Variants in ECT2L observed in about 807,000 individuals in gnomAD.
The protein encoded by ECT2L is epithelial cell transforming 2 like.
ECT2L carries 126 observed loss-of-function variants against 122.8 expected under a neutral mutation model. The observed-to-expected ratio is 1.03, with a 90% CI of 0.89 to 1.19. ECT2L has a LOEUF of 1.19. Ranked by LOEUF, ECT2L falls within the 50% of genes most tolerant of loss-of-function variation. ECT2L has a pLI of 0.00. For missense variants in ECT2L, 1,012 were observed against 1,064.1 expected (o/e 0.95, Z 0.68); for synonymous variants, 385 against 381.8 (o/e 1.01, Z -0.10).
Position 138,882,818 on chromosome 6 carries a change from A to G in ECT2L, c.1975A>G (p.Thr659Ala). 1 of 1,614,186 alleles carries G rather than the reference A, an allele frequency of 6.2e-7. No individual in the cohort carries two copies. Among genetic ancestry groups the G allele is most frequent in the Admixed American group, 1.7e-5 (1 of 60,020 alleles). ...IVTKFGSQLN[T>A]YTNFFNNYPV... ...CACGAAGTTTGGAAGCCAGTTAAAC[A>G]CATATACCAATTTCTTCAACAATTA... The change falls in exon 16 of 22, where the codon ACA becomes GCA. Residue 659 changes from threonine (T) to alanine (A), a missense_variant. Coordinates refer to ENST00000541398, the MANE Select transcript of ECT2L (RefSeq NM_001077706.3).
chr6:138,846,199 G>A (rs999286538), intron 7 of ECT2L, among the ~76,000 whole-genome samples: 6 of 152,176 alleles, frequency 3.9e-5, no homozygotes, highest in African/African-American at 1.2e-4. Context: ...AGGCCTAGAA[G>A]GAAATTCAAA....
chr6:138,840,636 A>C (rs1490875002), intron 5 of ECT2L, among the ~76,000 whole-genome samples: 4 of 152,012 alleles, frequency 2.6e-5, no homozygotes, highest in African/African-American at 9.7e-5. Context: ...TTTCTTGAGA[A>C]GTCAGAAGTT....
At chr6:138,814,713 G>A in intron 4 of ECT2L, 110 bp downstream of exon 4, 1 of 653,174 alleles carries the variant, frequency 1.5e-6, no homozygotes, top group Non-Finnish European at 2.5e-6. Context: ...AAAAAAACAA[G>A]GTAATTGATA....
chr6:138,836,406 A>T (rs1776841892), intron 4 of ECT2L, among the ~76,000 whole-genome samples: 3 of 150,426 alleles, frequency 2.0e-5, no homozygotes, highest in African/African-American at 7.4e-5. Context: ...CTCCTGCCTC[A>T]GCCTCCTGAG....
intron 1 of ECT2L, among the ~76,000 whole-genome samples, chr6:138,810,269 A>G (rs1181890438): frequency 6.6e-6 from 1 of 152,222 alleles, no homozygotes; most frequent in East Asian, 1.9e-4. Context: ...AAACTGAGAA[A>G]GACTTTGAGC....
chr6:138,889,327 TTTTC>T (rs1418764062), intron 20 of ECT2L, among the ~76,000 whole-genome samples: 2 of 152,044 alleles, frequency 1.3e-5, no homozygotes, highest in South Asian at 2.1e-4. Context: ...TCTTTTTTCT[TTTTC>T]TTTTTTTTTT....
Position 138,902,511 on chromosome 6 carries a change from G to T in ECT2L, c.2599G>T (p.Ala867Ser). 1 of 1,612,634 alleles carries T rather than the reference G, an allele frequency of 6.2e-7. No homozygotes were observed. Among genetic ancestry groups the T allele is most frequent in the Non-Finnish European group, 8.5e-7 (1 of 1,179,042 alleles). The change falls in exon 22 of 22, where the codon GCA becomes TCA. Residue 867 changes from alanine (A) to serine (S), a missense_variant. Transcript: ENST00000541398. ...NIPDSKYVKN[A>S]FILQGPKYKW... ...AAATGCTTTTACAGATGTCAAGAAT[G>T]CATTTATTCTTCAGGGTCCAAAATA... is the stretch of plus-strand genomic sequence containing the variant.
At chr6:138,867,356 A>G (rs1168432136) in intron 12 of ECT2L, among the ~76,000 whole-genome samples, 2 of 152,068 alleles carry the variant, frequency 1.3e-5, no homozygotes, top group Non-Finnish European at 2.9e-5. Flanking sequence ...TTTTACTGCT[A>G]TTCTTTGCAT....
In ECT2L at chr6:138,885,795, G is replaced by A. The variant is rs967534328; in HGVS notation, c.2224G>A (p.Asp742Asn). The change falls in exon 18 of 22, where the codon GAC becomes AAC. Residue 742 changes from aspartate (D) to asparagine (N), a missense_variant. By Grantham distance (23) the Asp-to-Asn change is conservative. Coordinates refer to ENST00000541398, the MANE Select transcript of ECT2L (RefSeq NM_001077706.3). ...CCGTGGGGACTTGACCACTGCAATT[G>A]ACCAAATCAAAAAATATAAAGGTTA... ...VDRGDLTTAIDQIKKYKGYID... is the reference protein window; with the variant it reads ...VDRGDLTTAINQIKKYKGYID... The A allele has an allele frequency of 6.2e-7, 1 of 1,613,840 alleles. No individual in the cohort carries two copies. Among genetic ancestry groups the A allele is most frequent in the Non-Finnish European group, 8.5e-7 (1 of 1,179,926 alleles).
rs1216551682 is a variant in ECT2L, at chr6:138,844,531, G to A, written c.715G>A (p.Ala239Thr). ...AAGGGAGCGAGTGGGATTACATGAA[G>A]CTTTGGAGAAACAGCTTGTTTTGAC... ...TVRERVGLHE[A>T]LEKQLVLTSL... Residue 239 changes from alanine to threonine, a missense_variant, in exon 7 of 22, where the codon GCT becomes ACT. Coordinates refer to ENST00000541398, the MANE Select transcript of ECT2L (RefSeq NM_001077706.3). The A allele has an allele frequency of 2.5e-6, 4 of 1,614,150 alleles. No homozygotes were observed. The highest frequency in any genetic ancestry group is 1.7e-5 in the Admixed American group (1 of 60,016).
chr6:138,801,535 T>C (rs1290752458), intron 1 of ECT2L, among the ~76,000 whole-genome samples: 3 of 152,150 alleles, frequency 2.0e-5, no homozygotes, highest in Non-Finnish European at 4.4e-5. Flanking sequence ...GCAGATTGCC[T>C]GAGGTCAGGA....
chr6:138,850,444 T>C (rs189094596), intron 9 of ECT2L, among the ~76,000 whole-genome samples: 1,802 of 152,284 alleles, frequency 0.012, 32 homozygotes, highest in African/African-American at 0.041. Context: ...TTTGCCCGGC[T>C]GTGACTGGCT....
chr6:138,817,348 C>A (rs1200111935), intron 4 of ECT2L, among the ~76,000 whole-genome samples: 1 of 152,150 alleles, frequency 6.6e-6, no homozygotes, highest in African/African-American at 2.4e-5. Flanking sequence ...AATTATTAAG[C>A]ATTTCTTTTG....
intron 4 of ECT2L, among the ~76,000 whole-genome samples, chr6:138,818,242 T>A (rs1428543139): frequency 6.6e-6 from 1 of 152,172 alleles, no homozygotes; most frequent in Non-Finnish European, 1.5e-5. Context: ...CCATGAAGGA[T>A]TCACTCTCGT....
At chr6:138,894,891 T>G (rs188948243) in intron 20 of ECT2L, among the ~76,000 whole-genome samples, 1 of 152,184 alleles carries the variant, frequency 6.6e-6, no homozygotes, top group African/African-American at 2.4e-5. Flanking sequence ...GCTTCTTCCT[T>G]TTAGGTCAAC....
rs1582654248 is a variant in ECT2L at position 138,882,574 on chromosome 6, T to A, written c.1881-150T>A. 12 of 942,452 alleles carry A rather than the reference T, an allele frequency of 1.3e-5. No individual in the cohort carries two copies. In the East Asian group the frequency reaches 3.0e-4, roughly 23 times the overall value. 58.4% of individuals were successfully genotyped at this position (942,452 alleles called of 1,614,324 possible). A position where few individuals can be genotyped will look rare whatever the true frequency, so the allele number is the denominator to read the frequency against. On this transcript the variant is annotated intron_variant, in intron 15 of 21. Coordinates refer to ENST00000541398, the MANE Select transcript of ECT2L (RefSeq NM_001077706.3). ...TCCCAGTTCCCTTTCCTGTCAAATCTCCACTTCTCTGTGTTAGGAAGAAAT... is the reference window on the plus strand; with the variant it reads ...TCCCAGTTCCCTTTCCTGTCAAATCACCACTTCTCTGTGTTAGGAAGAAAT...
intron 4 of ECT2L, among the ~76,000 whole-genome samples, chr6:138,816,396 T>C (rs1776068906): frequency 6.6e-6 from 1 of 151,412 alleles, no homozygotes; most frequent in African/African-American, 2.5e-5. Flanking sequence ...TTTTTTTTTT[T>C]GTTTGTTTGT....
chr6:138,865,874 A>G (rs1778016109), intron 12 of ECT2L, among the ~76,000 whole-genome samples: 4 of 152,166 alleles, frequency 2.6e-5, no homozygotes, highest in Admixed American at 2.6e-4. Flanking sequence ...TATGAATCAA[A>G]TCACCCTCTA....
chr6:138,797,095 A>G (rs1464344383), intron 1 of ECT2L, among the ~76,000 whole-genome samples: 4 of 152,212 alleles, frequency 2.6e-5, no homozygotes, highest in Non-Finnish European at 5.9e-5. Context: ...CACCGCCTGT[A>G]AGATCAATAG....
Sources: allele counts gnomAD v4.1 joint callset (sites outside exome capture counted in the v4.1 genomes callset), GRCh38; gene constraint gnomAD v4.1.1; transcripts MANE v1.5; gene names NCBI Gene and HGNC (gene_info 2026-07-23, HGNC 2026-07-21).